Variants in MAP1B observed in about 807,000 individuals in gnomAD.
MAP1B encodes the protein microtubule associated protein 1B.
MAP1B carries 12 observed loss-of-function variants against 176.1 expected under a neutral mutation model. The ratio of observed to expected loss-of-function variants is 0.07; its 90% CI spans 0.04 to 0.11. The LOEUF (loss-of-function observed/expected upper bound fraction) is 0.11. Among genes scored for constraint, MAP1B ranks in the 10% least tolerant of loss-of-function variants. The probability of loss-of-function intolerance (pLI) is 1.00; values close to 1 mark genes in which losing one functional copy is unlikely to be tolerated. For missense variants in MAP1B, 2,523 were observed against 2,990.5 expected (o/e 0.84, Z 3.65); for synonymous variants, 1,044 against 1,135.0 (o/e 0.92, Z 1.61).
At position 72,183,646 on chromosome 5, in the gene MAP1B, A is replaced by G; in HGVS notation, c.287-97A>G. 7.4e-6 allele frequency: 6 copies of G among 807,112 alleles called. No homozygotes were observed. In the South Asian group the frequency reaches 9.0e-5, roughly 12 times the overall value. The allele number at this position is 807,112 out of a possible 1,614,324, so 50.0% of individuals were successfully genotyped here. ...ATTTCAGTGCTGTGTACCACGTCGG[A>G]GGCAGAAATTCCTCTGCTGTCCCAG... On this transcript the variant is annotated intron_variant, in intron 2 of 6. Transcript: ENST00000296755.
At chr5:72,192,428 T>G (rs192867355) in intron 4 of MAP1B, among the ~76,000 whole-genome samples, 2 of 152,392 alleles carry the variant, frequency 1.3e-5, no homozygotes, top group Admixed American at 6.5e-5. Flanking sequence ...AAAGTTTTAT[T>G]ATTTTGTTAT....
At chr5:72,159,646 A>C (rs1746293757) in intron 2 of MAP1B, among the ~76,000 whole-genome samples, 1 of 152,220 alleles carries the variant, frequency 6.6e-6, no homozygotes. Context: ...AGAATCTCTT[A>C]ATGGCCATAA....
At position 72,196,339 on chromosome 5, in the gene MAP1B, G is replaced by T; in HGVS notation, c.2984G>T (p.Ser995Ile). The T allele has an allele frequency of 6.2e-7, 1 of 1,614,160 alleles. No homozygotes were observed. The highest frequency in any genetic ancestry group is 1.7e-4 in the Middle Eastern group (1 of 6,060). The change falls in exon 5 of 7, where the codon AGT (serine) becomes ATT (isoleucine). Residue 995 changes from serine (S) to isoleucine (I), a missense_variant. Coordinates refer to ENST00000296755, the MANE Select transcript of MAP1B (RefSeq NM_005909.5). The surrounding 1 kb of genome is among the most constrained non-coding windows in gnomAD (Gnocchi z 5.3). ...YIREKRESVA[S>I]GDDRAEEDMD... Reference sequence around the variant, plus strand: ...AGGGAGAAGAGGGAGTCTGTGGCCAGTGGGGATGACCGAGCCGAAGAAGAC... The same window carrying T: ...AGGGAGAAGAGGGAGTCTGTGGCCATTGGGGATGACCGAGCCGAAGAAGAC...
chr5:72,143,639 A>G (rs1000515018), intron 2 of MAP1B, among the ~76,000 whole-genome samples: 2 of 152,164 alleles, frequency 1.3e-5, no homozygotes, highest in Non-Finnish European at 2.9e-5. Flanking sequence ...TTAGTTCCCC[A>G]GGGCTGCCAT....
In MAP1B at chr5:72,198,062, T is replaced by C; in HGVS notation, c.4707T>C (p.Asp1569=). The change falls in exon 5 of 7, where the codon GAT becomes GAC. Residue 1569 remains aspartate, a synonymous_variant. Coordinates refer to ENST00000296755, the MANE Select transcript of MAP1B (RefSeq NM_005909.5). The stretch of plus-strand genomic sequence containing the variant: ...CATTTCCAGAGCCAACAACAGATGA[T>C]GTGTCTCCATCTCTGCATGCTGAGG... The part of the protein sequence containing the change: ...TSSFPEPTTD[D]VSPSLHAEVG... 1.2e-6 allele frequency: 2 copies of C among 1,614,200 alleles called. No homozygotes were observed. The highest frequency in any genetic ancestry group is 1.6e-4 in the Middle Eastern group (1 of 6,062).
At chr5:72,132,679 T>G (rs1156655532) in intron 2 of MAP1B, among the ~76,000 whole-genome samples, 2 of 152,238 alleles carry the variant, frequency 1.3e-5, no homozygotes, top group Admixed American at 6.5e-5. Context: ...CAGCCCACCC[T>G]GTTTTTATTG....
chr5:72,151,039 A>G (rs974963576), intron 2 of MAP1B, among the ~76,000 whole-genome samples: 2 of 127,454 alleles, frequency 1.6e-5, no homozygotes, highest in African/African-American at 3.4e-5. Context: ...TTGTTTATGT[A>G]AAAAAAGAGG....
chr5:72,194,414 C>T lies in MAP1B; in HGVS notation c.1059C>T (p.Asp353=). The T allele has an allele frequency of 6.2e-7, 1 of 1,614,136 alleles. No individual in the cohort carries two copies. Among genetic ancestry groups the T allele is most frequent in the South Asian group, 1.1e-5 (1 of 91,076 alleles). The change falls in exon 5 of 7, where the codon GAC becomes GAT. Residue 353 remains aspartate, a synonymous_variant. Transcript: ENST00000296755. This position sits in a 1 kb window ranked among gnomAD's most constrained non-coding sequence, Gnocchi z 7.2. ...GGATGAAAAACCTCATCTCCCCTGACTTAGGAGTTGTATTTCTCAATGTAC... is the reference window on the plus strand; with the variant it reads ...GGATGAAAAACCTCATCTCCCCTGATTTAGGAGTTGTATTTCTCAATGTAC... ...SDWMKNLISP[D]LGVVFLNVPE... is the part of the protein sequence containing the mutation.
chr5:72,195,557 G>T lies in MAP1B; in HGVS notation c.2202G>T (p.Lys734Asn). 1.3e-6 allele frequency: 2 copies of T among 1,595,542 alleles called. No individual in the cohort carries two copies. Among genetic ancestry groups the T allele is most frequent in the Non-Finnish European group, 1.7e-6 (2 of 1,175,760 alleles). Residue 734 changes from lysine to asparagine, a missense_variant, in exon 5 of 7, where the codon AAG becomes AAT. Coordinates refer to ENST00000296755, the MANE Select transcript of MAP1B (RefSeq NM_005909.5). ...AGGAACCCAAAAAAGAAATTAAGAAGCTCCCTAAAGACGCAAAGAAATCAT... is the reference window on the plus strand; with the variant it reads ...AGGAACCCAAAAAAGAAATTAAGAATCTCCCTAAAGACGCAAAGAAATCAT... ...EEKEPKKEIK[K>N]LPKDAKKSST...
In MAP1B at chr5:72,155,995, G is replaced by T. The variant is rs148396679; in HGVS notation, c.287-27748G>T. On this transcript the variant is annotated intron_variant, in intron 2 of 6. Coordinates refer to ENST00000296755, the MANE Select transcript of MAP1B (RefSeq NM_005909.5). ...TTGGTCAGGTTGGTCTTGAACTCCT[G>T]ACCTCAGGTGATCCACCCGCCTTGG... Among the ~76,000 whole-genome samples, 87 of 152,250 alleles carry T rather than the reference G, an allele frequency of 5.7e-4. 1 individual carries two copies. The East Asian group carries it at 0.016, about 28-fold the overall frequency.
At chr5:72,155,289 G>A (rs1746208842) in intron 2 of MAP1B, among the ~76,000 whole-genome samples, 4 of 152,314 alleles carry the variant, frequency 2.6e-5, no homozygotes, top group Admixed American at 2.6e-4. Context: ...AGGTCAAGGA[G>A]CTGGGATTTA....
Position 72,197,182 on chromosome 5 carries a change from G to C in MAP1B, c.3827G>C (p.Ser1276Thr), listed in dbSNP as rs1435747183. ...PLEKTPLGER[S>T]VNFSLTPNEI... ...GAAAAGACCCCCCTGGGTGAACGTA[G>C]TGTGAACTTCTCTCTGACGCCCAAT... The change falls in exon 5 of 7, where the codon AGT becomes ACT. Residue 1276 changes from serine (S) to threonine (T), a missense_variant. By Grantham distance (58) the Ser-to-Thr change is moderately conservative. Transcript: ENST00000296755. The C allele has an allele frequency of 6.2e-7, 1 of 1,614,230 alleles. No individual in the cohort carries two copies. Among genetic ancestry groups the C allele is most frequent in the Admixed American group, 1.7e-5 (1 of 60,030 alleles).
rs983904087 is a variant in MAP1B at position 72,207,314 on chromosome 5, G to A, written c.*2075G>A. 1 of 152,088 alleles carries A rather than the reference G, an allele frequency of 6.6e-6. No homozygotes were observed. Among genetic ancestry groups the A allele is most frequent in the Non-Finnish European group, 1.5e-5 (1 of 68,000 alleles). The allele number at this position is 152,088 out of a possible 1,614,324, so 9.4% of individuals were successfully genotyped here. On this transcript the variant is annotated 3_prime_UTR_variant, in exon 7 of 7. Transcript: ENST00000296755. ...ACAATGACCTCATTTTATTTTCTATGTTAGTTATTTATTTCAAAATTAACA... is the reference window on the plus strand; with the variant it reads ...ACAATGACCTCATTTTATTTTCTATATTAGTTATTTATTTCAAAATTAACA...
intron 2 of MAP1B, among the ~76,000 whole-genome samples, chr5:72,142,595 C>T (rs1745965928): frequency 6.6e-6 from 1 of 151,980 alleles, no homozygotes; most frequent in African/African-American, 2.4e-5. Context: ...TTATATACTT[C>T]TCATTTTAAA....
At chr5:72,193,354 T>C (rs756967781) in intron 4 of MAP1B, 2 of 388,218 alleles carry the variant, frequency 5.2e-6, no homozygotes, top group Non-Finnish European at 1.0e-5. Context: ...TTTTTTTTTT[T>C]TTTTTTGCCA....
Position 72,186,792 on chromosome 5 carries a change from C to G in MAP1B, c.510+38C>G. ...CTGAGAATATCTGTGCTTCTAGTGG[C>G]TTGGTTGCCTTAGGTTCCTCTTTGA... On this transcript the variant is annotated intron_variant, in intron 4 of 6. Coordinates refer to ENST00000296755, the MANE Select transcript of MAP1B (RefSeq NM_005909.5). This position sits in a 1 kb window ranked among gnomAD's most constrained non-coding sequence, Gnocchi z 4.3. 3.1e-6 allele frequency: 5 copies of G among 1,610,570 alleles called. No homozygotes were observed. The South Asian group carries it at 5.5e-5, about 18-fold the overall frequency.
chr5:72,180,250 A>G (rs1478835158), intron 2 of MAP1B, among the ~76,000 whole-genome samples: 1 of 152,232 alleles, frequency 6.6e-6, no homozygotes, highest in Non-Finnish European at 1.5e-5. Flanking sequence ...CAGAATACAG[A>G]CGTGATGACA....
Position 72,197,688 on chromosome 5 carries a change from G to C in MAP1B, c.4333G>C (p.Val1445Leu). The C allele has an allele frequency of 6.2e-7, 1 of 1,614,106 alleles. No individual in the cohort carries two copies. Among genetic ancestry groups the C allele is most frequent in the East Asian group, 2.2e-5 (1 of 44,888 alleles). The part of the protein sequence containing the change: ...KQGSPDQVSP[V>L]SEMTSTSLYQ... ...AGGCTCTCCAGACCAAGTAAGTCCA[G>C]TTTCTGAAATGACTTCTACTAGTCT... The change falls in exon 5 of 7, where the codon GTT becomes CTT. Residue 1445 changes from valine (V) to leucine (L), a missense_variant. Transcript: ENST00000296755.
chr5:72,176,191 CCACACACACGTGTGTG>C (rs113366592), intron 2 of MAP1B, among the ~76,000 whole-genome samples: 2 of 152,216 alleles, frequency 1.3e-5, no homozygotes, highest in African/African-American at 4.8e-5. Context: ...CCTGCTGGGT[CCACACACACGTGTGTG>C]CACGCACACA....
Sources: gnomAD v4.1 joint callset for allele counts (sites outside exome capture counted in the v4.1 genomes callset) on GRCh38, gnomAD v4.1.1 for gene constraint, Gnocchi (gnomAD v3.1) non-coding constraint, MANE v1.5 for transcripts, NCBI Gene and HGNC (gene_info 2026-07-23, HGNC 2026-07-21) for gene names.